Variants in PCDHA4 observed in about 807,000 individuals in gnomAD.
PCDHA4 encodes the protein protocadherin alpha 4.
Under a neutral mutation model 61.4 loss-of-function variants are expected in PCDHA4, and 49 were observed. The ratio of observed to expected loss-of-function variants is 0.80; its 90% CI spans 0.63 to 1.01. The LOEUF (loss-of-function observed/expected upper bound fraction) is 1.01. PCDHA4 is among the 50% of genes least tolerant of loss of function. The pLI is 0.00. For missense variants in PCDHA4, 1,254 were observed against 1,235.8 expected (o/e 1.01, Z -0.22); for synonymous variants, 590 against 550.3 (o/e 1.07, Z -1.01).
rs574855184 is a variant in PCDHA4 at position 140,890,340 on chromosome 5, G to C, written c.2385+80768G>C. ...TTTAAGATATTAGGTAGTTGGGATG[G>C]TTTACTATATAGCAATGGATAACCT... On this transcript the variant is annotated intron_variant, in intron 1 of 3. Coordinates refer to ENST00000530339, the MANE Select transcript of PCDHA4 (RefSeq NM_018907.4). 9.1e-4 allele frequency among the ~76,000 whole-genome samples: 139 copies of C among 152,222 alleles called. 2 individuals are homozygous for C. The Middle Eastern group carries it at 0.017, about 19-fold the overall frequency.
chr5:140,907,705 G>A (rs2073545190), intron 1 of PCDHA4, among the ~76,000 whole-genome samples: 1 of 152,204 alleles, frequency 6.6e-6, no homozygotes, highest in Non-Finnish European at 1.5e-5. Context: ...CCCTGTTGCT[G>A]AGCCCATGTG....
intron 1 of PCDHA4, chr5:140,859,160 T>C (rs1554152196): frequency 6.7e-6 from 1 of 150,194 alleles, no homozygotes; most frequent in Non-Finnish European, 1.5e-5. Context: ...CTCTTCATTA[T>C]CTGCTCCTTT....
chr5:140,874,215 G>A (rs2054781939), intron 1 of PCDHA4, among the ~76,000 whole-genome samples: 1 of 152,180 alleles, frequency 6.6e-6, no homozygotes, highest in Non-Finnish European at 1.5e-5. Context: ...ATTATTATAT[G>A]CAGTAGGAAT....
Position 140,807,683 on chromosome 5 carries a change from G to A in PCDHA4, c.496G>A (p.Ala166Thr), listed in dbSNP as rs1364213662. Reference protein sequence around the residue: ...GASDADIGENALLTYRLSPNE... With the variant: ...GASDADIGENTLLTYRLSPNE... ...CTCGGATGCAGATATCGGGGAGAAC[G>A]CCCTGCTCACTTACAGACTGAGCCC... is the stretch of plus-strand genomic sequence containing the variant. The change falls in exon 1 of 4, where the codon GCC becomes ACC. Residue 166 changes from alanine to threonine, a missense_variant. Ala to Thr is a moderately conservative substitution (Grantham distance 58). Transcript: ENST00000530339. 1 of 1,614,210 alleles carries A rather than the reference G, an allele frequency of 6.2e-7. No individual in the cohort carries two copies.
intron 1 of PCDHA4, among the ~76,000 whole-genome samples, chr5:140,839,879 G>A (rs1448032566): frequency 6.6e-6 from 1 of 151,996 alleles, no homozygotes; most frequent in East Asian, 1.9e-4. Flanking sequence ...AAGATGAATA[G>A]AATTTTGACA....
intron 1 of PCDHA4, chr5:140,867,487 T>C (rs1020782942): frequency 1.3e-5 from 2 of 152,026 alleles, no homozygotes; most frequent in African/African-American, 4.8e-5. Context: ...AGAGTAAATA[T>C]GAAAAAAGTA....
At chr5:140,898,233 C>T (rs2066607638) in intron 1 of PCDHA4, among the ~76,000 whole-genome samples, 1 of 152,126 alleles carries the variant, frequency 6.6e-6, no homozygotes, top group African/African-American at 2.4e-5. Flanking sequence ...GTTGCCATTG[C>T]TTTTGGTGTT....
At position 140,809,031 on chromosome 5, in the gene PCDHA4, C is replaced by A. The variant is rs1554124952; in HGVS notation, c.1844C>A (p.Thr615Asn). The change falls in exon 1 of 4, where the codon ACT becomes AAT. Residue 615 changes from threonine (T) to asparagine (N), a missense_variant. Transcript: ENST00000530339. ...CTTTCGTACGAGCTGCAGCCGGGGA[C>A]TGGTGGCGCGCGCATCCCGTTCCGC... ...AWLSYELQPG[T>N]GGARIPFRVG... 8 of 1,613,858 alleles carry A rather than the reference C, an allele frequency of 5.0e-6. No homozygotes were observed. Among genetic ancestry groups the A allele is most frequent in the Non-Finnish European group, 6.8e-6 (8 of 1,179,872 alleles).
At chr5:140,836,078 G>C (rs1179241173) in intron 1 of PCDHA4, 4 of 1,613,554 alleles carry the variant, frequency 2.5e-6, no homozygotes, top group Non-Finnish European at 3.4e-6. Context: ...CGCCGGCACT[G>C]CTGGCGCCTC....
intron 3 of PCDHA4, among the ~76,000 whole-genome samples, chr5:140,999,602 G>A (rs150839481): frequency 5.1e-4 from 78 of 152,202 alleles, no homozygotes; most frequent in African/African-American, 1.9e-3. Flanking sequence ...CTACATCCTG[G>A]GGGACCTTAT....
intron 1 of PCDHA4, chr5:140,836,156 G>T: frequency 6.2e-7 from 1 of 1,613,820 alleles, no homozygotes; most frequent in Non-Finnish European, 8.5e-7. Flanking sequence ...GCCATGTGGT[G>T]GCGAAGGTAC....
intron 3 of PCDHA4, among the ~76,000 whole-genome samples, chr5:141,008,297 A>G (rs2098368469): frequency 6.6e-6 from 1 of 152,178 alleles, no homozygotes; most frequent in South Asian, 2.1e-4. Context: ...GTTGTACCCA[A>G]CCCTAAACTG....
chr5:140,879,532 C>T (rs1189647724), intron 1 of PCDHA4, among the ~76,000 whole-genome samples: 1 of 152,146 alleles, frequency 6.6e-6, no homozygotes, highest in Admixed American at 6.5e-5. Context: ...TTGGGAACAA[C>T]TCCTTTAGAG....
intron 1 of PCDHA4, chr5:140,815,810 TTA>T (rs1765796922): frequency 6.6e-6 from 1 of 152,208 alleles, no homozygotes; most frequent in African/African-American, 2.4e-5. Flanking sequence ...GGGAAGGTCT[TTA>T]TCTCTTTTTC....
intron 1 of PCDHA4, among the ~76,000 whole-genome samples, chr5:140,957,371 T>G (rs1465346844): frequency 3.3e-5 from 5 of 152,206 alleles, no homozygotes; most frequent in Non-Finnish European, 7.4e-5. Context: ...AAACTTTTAT[T>G]ATAGTGTATT....
chr5:140,828,548 C>A (rs2150156612), intron 1 of PCDHA4: 1 of 1,614,200 alleles, frequency 6.2e-7, no homozygotes. Context: ...TTCTGTGTTT[C>A]CACTGGAGGG....
At chr5:140,823,280 C>A (rs150026852) in intron 1 of PCDHA4, 1 of 1,612,332 alleles carries the variant, frequency 6.2e-7, no homozygotes, top group African/African-American at 1.3e-5. Context: ...GGCGAGCGCC[C>A]GCTGTCGAGT....
chr5:140,897,947 T>A (rs1276045551), intron 1 of PCDHA4, among the ~76,000 whole-genome samples: 1 of 152,168 alleles, frequency 6.6e-6, no homozygotes, highest in Non-Finnish European at 1.5e-5. Context: ...CAGTGATGAT[T>A]AGCATTTTTT....
In PCDHA4 at chr5:140,841,042, G is replaced by A. The variant is rs1776988027; in HGVS notation, c.2385+31470G>A. 7.4e-6 allele frequency: 3 copies of A among 406,126 alleles called. No individual in the cohort carries two copies. The South Asian group carries it at 1.3e-4, about 18-fold the overall frequency. 25.2% of individuals were successfully genotyped at this position (406,126 alleles called of 1,614,324 possible). On this transcript the variant is annotated intron_variant, in intron 1 of 3. Transcript: ENST00000530339. ...ATGCCTCTGCAATTGATAAAGTTAA[G>A]GATTTACTATTAAATTATGATAAAG...
Sources: allele counts gnomAD v4.1 joint callset (sites outside exome capture counted in the v4.1 genomes callset), GRCh38; gene constraint gnomAD v4.1.1; transcripts MANE v1.5; gene names NCBI Gene and HGNC (gene_info 2026-07-23, HGNC 2026-07-21).